RSF1: variants seen among roughly 807,000 people sequenced by gnomAD.
RSF1 encodes the protein HBV pX-associated protein 8.
A neutral mutation model predicts 145.2 loss-of-function variants in RSF1; 13 were observed. That is an observed-to-expected ratio of 0.09 (90% CI 0.06 to 0.14). RSF1 has a LOEUF of 0.14. Ranked by LOEUF, RSF1 falls within the 10% of genes least tolerant of loss-of-function variation. The probability of loss-of-function intolerance (pLI) is 1.00; values close to 1 mark genes in which losing one functional copy is unlikely to be tolerated. For missense variants in RSF1, 1,517 were observed against 1,718.2 expected, an observed-to-expected ratio of 0.88 and a Z score of 2.07; for synonymous variants, 577 against 592.6, an observed-to-expected ratio of 0.97 and a Z score of 0.38.
intron 4 of RSF1, among the ~76,000 whole-genome samples, chr11:77,737,621 G>GTGT (rs1554991241): frequency 0.079 from 7,348 of 93,268 alleles, 243 homozygotes; most frequent in Middle Eastern, 0.088. Context: ...TGTTTTGGGG[G>GTGT]GTGTGTGTGT....
chr11:77,712,418 C>T (rs1259406054), intron 5 of RSF1, among the ~76,000 whole-genome samples: 1 of 152,178 alleles, frequency 6.6e-6, no homozygotes, highest in Non-Finnish European at 1.5e-5. Flanking sequence ...TCAGGTGTCT[C>T]AGGTATATCT....
intron 5 of RSF1, among the ~76,000 whole-genome samples, chr11:77,721,584 G>T (rs1960941584): frequency 6.6e-6 from 1 of 151,906 alleles, no homozygotes; most frequent in South Asian, 2.1e-4. Flanking sequence ...TCCCTCATCT[G>T]AAAAAAGGGA....
intron 1 of RSF1, among the ~76,000 whole-genome samples, chr11:77,812,301 A>G (rs914729400): frequency 6.6e-6 from 1 of 152,202 alleles, no homozygotes; most frequent in Non-Finnish European, 1.5e-5. Context: ...AACATAGAAA[A>G]TGAAATGTGA....
chr11:77,803,923 A>G (rs117669802), intron 1 of RSF1, among the ~76,000 whole-genome samples: 2,095 of 152,276 alleles, frequency 0.014, 15 homozygotes, highest in Non-Finnish European at 0.021. Flanking sequence ...CTAGAAAAAT[A>G]TAACTAAATT....
At chr11:77,850,175 A>G in the RSF1 span, among the ~76,000 whole-genome samples, 1 of 152,224 alleles carries the variant, frequency 6.6e-6, no homozygotes, top group African/African-American at 2.4e-5. Context: ...TTAGTTTAAA[A>G]AAGGACAGAG....
the RSF1 span, among the ~76,000 whole-genome samples, chr11:77,842,972 G>A: frequency 6.6e-6 from 1 of 152,144 alleles, no homozygotes; most frequent in Admixed American, 6.5e-5. Flanking sequence ...TCTACTTTCT[G>A]TTGTTATAGA....
chr11:77,827,834 A>G, the RSF1 span, among the ~76,000 whole-genome samples: 1 of 152,234 alleles, frequency 6.6e-6, no homozygotes, highest in Non-Finnish European at 1.5e-5. Flanking sequence ...AACAAGCTCT[A>G]TCTTAAATTA....
At chr11:77,727,392 T>C (rs530931305) in intron 4 of RSF1, among the ~76,000 whole-genome samples, 3 of 152,132 alleles carry the variant, frequency 2.0e-5, no homozygotes, top group Admixed American at 6.6e-5. Flanking sequence ...ACTGAAGTTA[T>C]GCACCATAAC....
At chr11:77,767,123 C>T (rs552781453) in intron 1 of RSF1, among the ~76,000 whole-genome samples, 2 of 152,266 alleles carry the variant, frequency 1.3e-5, no homozygotes, top group South Asian at 4.1e-4. Context: ...TTAAAAAAGG[C>T]TGTGTTGGCT....
At chr11:77,718,888 A>C (rs1412123425) in intron 5 of RSF1, among the ~76,000 whole-genome samples, 2 of 152,262 alleles carry the variant, frequency 1.3e-5, no homozygotes, top group African/African-American at 4.8e-5. Context: ...ATAGAACTTA[A>C]GCTTTATATC....
At chr11:77,804,446 A>C (rs893139890) in intron 1 of RSF1, among the ~76,000 whole-genome samples, 1 of 152,220 alleles carries the variant, frequency 6.6e-6, no homozygotes, top group Admixed American at 6.5e-5. Flanking sequence ...TCTACCTTGT[A>C]AAATGATGGA....
the RSF1 span, chr11:77,869,831 T>C: frequency 6.2e-7 from 1 of 1,610,986 alleles, no homozygotes; most frequent in African/African-American, 1.3e-5. Flanking sequence ...GGTGTTGGTA[T>C]GCACAGCATT....
the RSF1 span, among the ~76,000 whole-genome samples, chr11:77,841,506 T>C: frequency 6.6e-6 from 1 of 152,166 alleles, no homozygotes; most frequent in African/African-American, 2.4e-5. Context: ...TCTCTACTGA[T>C]GGAACACTGT....
upstream of RSF1, among the ~76,000 whole-genome samples, chr11:77,823,556 C>G (rs1054872755): frequency 1.4e-5 from 2 of 141,812 alleles, no homozygotes; most frequent in African/African-American, 5.3e-5. Context: ...GTAGTGAGAC[C>G]TCATCTGTAA....
chr11:77,790,144 C>T (rs1173477951), intron 1 of RSF1, among the ~76,000 whole-genome samples: 1 of 152,162 alleles, frequency 6.6e-6, no homozygotes, highest in African/African-American at 2.4e-5. Flanking sequence ...ATACCTGAGA[C>T]TGGACAATTT....
At chr11:77,759,453 G>A (rs1412476129) in intron 2 of RSF1, among the ~76,000 whole-genome samples, 7 of 152,172 alleles carry the variant, frequency 4.6e-5, no homozygotes, top group Admixed American at 6.5e-5. Flanking sequence ...AGGCCAAGGC[G>A]GGCAGATCAC....
intron 5 of RSF1, among the ~76,000 whole-genome samples, chr11:77,718,598 T>C (rs1031611632): frequency 6.6e-6 from 1 of 152,214 alleles, no homozygotes; most frequent in Non-Finnish European, 1.5e-5. Flanking sequence ...TAATTATGGT[T>C]AAAGAATTCT....
At chr11:77,687,109 T>C (rs1960030073) in intron 9 of RSF1, among the ~76,000 whole-genome samples, 1 of 152,196 alleles carries the variant, frequency 6.6e-6, no homozygotes, top group African/African-American at 2.4e-5. Context: ...ACAGCTAATA[T>C]TTATTTTAGA....
At position 77,718,830 on chromosome 11, in the gene RSF1, T is replaced by C. The variant is rs573096943; in HGVS notation, c.733+6715A>G. ...CCAGTCTGTGGTATTTTGTTATGAATAGCCTGAACAGACTAATAGACTACG... is the reference window on the plus strand; with the variant it reads ...CCAGTCTGTGGTATTTTGTTATGAACAGCCTGAACAGACTAATAGACTACG... On this transcript the variant is annotated intron_variant, in intron 5 of 15. Coordinates refer to ENST00000308488, the MANE Select transcript of RSF1 (RefSeq NM_016578.4). Among the ~76,000 whole-genome samples the C allele has an allele frequency of 2.0e-5, 3 of 152,354 alleles. No individual in the cohort carries two copies. The East Asian group carries it at 5.8e-4, about 29-fold the overall frequency.
Sources: gnomAD v4.1 joint callset for allele counts (sites outside exome capture counted in the v4.1 genomes callset) on GRCh38, gnomAD v4.1.1 for gene constraint, MANE v1.5 for transcripts, NCBI Gene and HGNC (gene_info 2026-07-23, HGNC 2026-07-21) for gene names.